The following SMYD2 variants were observed in gnomAD, a reference collection of about 807,000 sequenced individuals.
SMYD2 encodes N-lysine methyltransferase SMYD2.
A neutral mutation model predicts 59.1 loss-of-function variants in SMYD2; 53 were observed. That is an observed-to-expected ratio of 0.90 (90% confidence interval 0.72 to 1.13). SMYD2 has a LOEUF of 1.13. Ranked by LOEUF, SMYD2 falls within the 50% of genes most tolerant of loss-of-function variation. The probability of loss-of-function intolerance (pLI) is 0.00; values close to 1 mark genes in which losing one functional copy is unlikely to be tolerated. For missense variants in SMYD2, 494 were observed against 544.7 expected, an observed-to-expected ratio of 0.91 and a Z score of 0.93; for synonymous variants, 208 against 198.8, an observed-to-expected ratio of 1.05 and a Z score of -0.39.
At chr1:214,336,486 C>T (rs1424586471) in intron 11 of SMYD2, among the ~76,000 whole-genome samples, 2 of 152,164 alleles carry the variant, frequency 1.3e-5, no homozygotes, top group African/African-American at 2.4e-5. Flanking sequence ...GAGCGGAGAT[C>T]GCACCACTGC....
intron 1 of SMYD2, among the ~76,000 whole-genome samples, chr1:214,298,701 CAAGT>C (rs760264952): frequency 1.2e-4 from 18 of 152,136 alleles, no homozygotes; most frequent in Admixed American, 2.6e-4. Context: ...AAGCAAAAAA[CAAGT>C]AACCCCGTTA....
intron 1 of SMYD2, among the ~76,000 whole-genome samples, chr1:214,297,114 C>T (rs1208724564): frequency 6.6e-6 from 1 of 152,168 alleles, no homozygotes; most frequent in East Asian, 1.9e-4. Context: ...TACCATAGGC[C>T]TGTGGCTCCG....
intron 1 of SMYD2, among the ~76,000 whole-genome samples, chr1:214,281,664 C>A (rs921187373): frequency 6.6e-6 from 1 of 152,230 alleles, no homozygotes; most frequent in Non-Finnish European, 1.5e-5. Flanking sequence ...CTGCACTGCA[C>A]GTTTTCAGAG....
chr1:214,299,614 T>TTTG (rs894805214), intron 1 of SMYD2, among the ~76,000 whole-genome samples: 4 of 152,064 alleles, frequency 2.6e-5, no homozygotes, highest in Admixed American at 6.5e-5. Context: ...TTCTCACTTC[T>TTTG]TTGTTGTTGT....
chr1:214,294,448 G>C (rs1423633411), intron 1 of SMYD2, among the ~76,000 whole-genome samples: 1 of 152,174 alleles, frequency 6.6e-6, no homozygotes, highest in African/African-American at 2.4e-5. Flanking sequence ...CGGGCGGATG[G>C]CTTGAGGACA....
At chr1:214,335,304 T>C (rs1657418543) in intron 11 of SMYD2, among the ~76,000 whole-genome samples, 1 of 152,226 alleles carries the variant, frequency 6.6e-6, no homozygotes, top group East Asian at 1.9e-4. Context: ...TTTTAAACCA[T>C]GGAATTTGTC....
intron 1 of SMYD2, among the ~76,000 whole-genome samples, chr1:214,287,460 G>A (rs991406763): frequency 2.0e-4 from 30 of 151,706 alleles, no homozygotes; most frequent in Non-Finnish European, 3.7e-4. Context: ...AGTGGCGGGC[G>A]CCTGTAATCC....
At chr1:214,303,447 A>T (rs1199581927) in intron 1 of SMYD2, among the ~76,000 whole-genome samples, 2 of 152,176 alleles carry the variant, frequency 1.3e-5, no homozygotes, top group African/African-American at 4.8e-5. Context: ...GTCCCTTCAG[A>T]TATACCCTAG....
rs188342456 is a variant in SMYD2 at position 214,302,070 on chromosome 1, G to C, written c.174-3117G>C. 3.0e-3 allele frequency among the ~76,000 whole-genome samples: 464 copies of C among 152,258 alleles called. 4 individuals carry two copies. Among genetic ancestry groups the C allele is most frequent in the African/African-American group, 0.01 (424 of 41,546 alleles). ...GAATACAGTGTTTCCAGCCAGGCGCGGTATCTCACGTCTGTAATCCCAGCA... is the reference window on the plus strand; with the variant it reads ...GAATACAGTGTTTCCAGCCAGGCGCCGTATCTCACGTCTGTAATCCCAGCA... On this transcript the variant is annotated intron_variant, in intron 1 of 11. Transcript: ENST00000366957.
At chr1:214,313,744 C>T (rs536315929) in intron 2 of SMYD2, among the ~76,000 whole-genome samples, 20 of 152,206 alleles carry the variant, frequency 1.3e-4, no homozygotes, top group African/African-American at 4.6e-4. Flanking sequence ...GTACTTGCTT[C>T]CCTCAGCCTC....
rs754685525 is a variant in SMYD2 at position 214,336,730 on chromosome 1, C to T, written c.1248C>T (p.His416=). The T allele has an allele frequency of 1.7e-5, 28 of 1,613,562 alleles. No individual in the cohort carries two copies. The highest frequency in any genetic ancestry group is 3.3e-5 in the Admixed American group (2 of 59,950). The change falls in exon 12 of 12, where the codon CAC becomes CAT. Residue 416 remains histidine, a synonymous_variant. Transcript: ENST00000366957. ...KKAIAIMEVA[H]GKDHPYISEI... The stretch of plus-strand genomic sequence containing the variant: ...CCATTGCAATCATGGAAGTAGCTCA[C>T]GGCAAAGATCATCCATATATTTCTG...
chr1:214,306,339 TG>T (rs1309321959), intron 2 of SMYD2, among the ~76,000 whole-genome samples: 1 of 152,074 alleles, frequency 6.6e-6, no homozygotes, highest in Non-Finnish European at 1.5e-5. Context: ...TATTTAGCAG[TG>T]GGAGAGATTG....
At position 214,318,141 on chromosome 1, in the gene SMYD2, T is replaced by G. The variant is rs1241520566; in HGVS notation, c.409+2T>G. Reference sequence around the variant, plus strand: ...TAGCTGTGAAGGAGTTTGAATCACGTAAGTCTTTCTGTGACCAGCCGCGCA... The same window carrying G: ...TAGCTGTGAAGGAGTTTGAATCACGGAAGTCTTTCTGTGACCAGCCGCGCA... On this transcript the variant is annotated splice_donor_variant, in intron 4 of 11. Transcript: ENST00000366957. LOFTEE classifies it high-confidence loss of function. This position sits in a 1 kb window ranked among gnomAD's most constrained non-coding sequence, Gnocchi z 5.4. 6.2e-7 allele frequency: 1 copy of G among 1,613,806 alleles called. No individual in the cohort carries two copies. The highest frequency in any genetic ancestry group is 1.1e-5 in the South Asian group (1 of 90,980).
At chr1:214,289,348 T>C (rs1418999283) in intron 1 of SMYD2, among the ~76,000 whole-genome samples, 1 of 152,212 alleles carries the variant, frequency 6.6e-6, no homozygotes, top group Non-Finnish European at 1.5e-5. Context: ...TATAAAAATA[T>C]GAAATAATTA....
intron 9 of SMYD2, chr1:214,331,373 C>G (rs1237410102): frequency 9.6e-6 from 3 of 313,802 alleles, no homozygotes; most frequent in African/African-American, 6.4e-5. Context: ...GGGCAGGGCA[C>G]AGTGCCAAGG....
At chr1:214,330,916 G>A (rs756060166) in intron 8 of SMYD2, 34 bp from the exon 9 acceptor site, 26 of 1,613,048 alleles carry the variant, frequency 1.6e-5, no homozygotes, top group African/African-American at 2.7e-5. Context: ...TTCCATGGGC[G>A]GTAACGCCTT....
intron 5 of SMYD2, among the ~76,000 whole-genome samples, chr1:214,323,018 A>G (rs1283021373): frequency 6.6e-6 from 1 of 152,200 alleles, no homozygotes; most frequent in Non-Finnish European, 1.5e-5. Context: ...TGAGTGCCTC[A>G]CGGACAGAGA....
intron 1 of SMYD2, among the ~76,000 whole-genome samples, chr1:214,293,393 A>C (rs1413334368): frequency 7.2e-5 from 11 of 152,094 alleles, no homozygotes; most frequent in Non-Finnish European, 1.6e-4. Flanking sequence ...CACAGCTTTC[A>C]TTTTATTTAT....
chr1:214,295,504 A>AGGTG (rs1656709980), intron 1 of SMYD2, among the ~76,000 whole-genome samples: 1 of 152,198 alleles, frequency 6.6e-6, no homozygotes, highest in Admixed American at 6.5e-5. Context: ...CTGACCACCA[A>AGGTG]GCCCAGCTTC....
Sources: allele counts gnomAD v4.1 joint callset (sites outside exome capture counted in the v4.1 genomes callset), GRCh38; gene constraint gnomAD v4.1.1; non-coding constraint Gnocchi (gnomAD v3.1); transcripts MANE v1.5; gene names NCBI Gene and HGNC (gene_info 2026-07-23, HGNC 2026-07-21).